The following TET2 variants were observed in gnomAD, a reference collection of about 807,000 sequenced individuals.
TET2 encodes the protein methylcytosine dioxygenase TET2.
A neutral mutation model predicts 142.9 loss-of-function variants in TET2; 299 were observed. The ratio of observed to expected loss-of-function variants is 2.09; its 90% CI spans 1.90 to 2.30. The LOEUF (loss-of-function observed/expected upper bound fraction) is 2.30, where lower values mean the gene tolerates loss of function less well. Among genes scored for constraint, TET2 ranks in the 30% most tolerant of loss-of-function variants. The probability of loss-of-function intolerance (pLI) is 0.00; values close to 1 mark genes in which losing one functional copy is unlikely to be tolerated. For synonymous variants in TET2, 819 were observed against 849.0 expected (o/e 0.96, Z 0.61); for missense variants, 2,418 against 2,378.0 (o/e 1.02, Z -0.35).
rs1389529147 is a variant in TET2, at chr4:105,275,037, C to A, written c.4538-11C>A. The A allele has an allele frequency of 1.3e-6, 2 of 1,513,318 alleles. No homozygotes were observed. The highest frequency in any genetic ancestry group is 2.5e-5 in the East Asian group (1 of 40,680). The allele number at this position is 1,513,318 out of a possible 1,614,324, so 93.7% of individuals were successfully genotyped here. A position where few individuals can be genotyped will look rare whatever the true frequency, so the allele number is the denominator to read the frequency against. ...GATACCTGTTTCTGTTCTCTCTTAC[C>A]CTGTCCACAGAACTTTTGCGACTTT... On this transcript the variant is annotated splice_polypyrimidine_tract_variant and intron_variant, in intron 10 of 10. Transcript: ENST00000380013.
At chr4:105,204,806 C>A (rs956592644) in intron 2 of TET2, among the ~76,000 whole-genome samples, 13 of 152,052 alleles carry the variant, frequency 8.5e-5, no homozygotes, top group Admixed American at 5.2e-4. Flanking sequence ...AGGTACAGCA[C>A]CTCTGTGTAC....
At chr4:105,151,510 T>G (rs940373154) in intron 1 of TET2, among the ~76,000 whole-genome samples, 1 of 150,822 alleles carries the variant, frequency 6.6e-6, no homozygotes, top group African/African-American at 2.4e-5. Context: ...ATATAATATA[T>G]GTAAAAATAA....
chr4:105,189,170 T>C lies in TET2; in HGVS notation c.-192-1190T>C, dbSNP rs543793899. ...AAAATTAAGAGACCTCCCTTCTTACTCTGTAAAATGGGAATAATAATAATG... is the reference window on the plus strand; with the variant it reads ...AAAATTAAGAGACCTCCCTTCTTACCCTGTAAAATGGGAATAATAATAATG... On this transcript the variant is annotated intron_variant, in intron 1 of 10. Coordinates refer to ENST00000380013, the MANE Select transcript of TET2 (RefSeq NM_001127208.3). 1.9e-3 allele frequency among the ~76,000 whole-genome samples: 287 copies of C among 152,006 alleles called. 1 individual carries two copies. The highest frequency in any genetic ancestry group is 7.9e-3 in the South Asian group (38 of 4,808).
chr4:105,185,737 C>T (rs1725397262), intron 1 of TET2, among the ~76,000 whole-genome samples: 1 of 152,082 alleles, frequency 6.6e-6, no homozygotes, highest in South Asian at 2.1e-4. Flanking sequence ...CAAGATCGCA[C>T]CACTGCACTC....
Position 105,275,364 on chromosome 4 carries a change from C to G in TET2, c.4854C>G (p.Tyr1618Ter). Residue 1618 changes from tyrosine (Y) to a stop codon, truncating the protein, a stop_gained, in exon 11 of 11, where the codon TAC becomes TAG. Coordinates refer to ENST00000380013, the MANE Select transcript of TET2 (RefSeq NM_001127208.3). LOFTEE classifies it low-confidence loss of function (END_TRUNC). ...ATTCTTCTAATCCCATGAACCCTTA[C>G]CCTGGGCTTTTGAATCAGAATACCC... ...YLNSSNPMNP[Y>*]PGLLNQNTQY... The G allele has an allele frequency of 6.4e-7, 1 of 1,551,642 alleles. No homozygotes were observed. Among genetic ancestry groups the G allele is most frequent in the Non-Finnish European group, 8.7e-7 (1 of 1,146,970 alleles).
Position 105,169,143 on chromosome 4 carries a change from A to G in TET2, c.-192-21217A>G, listed in dbSNP as rs568371669. On this transcript the variant is annotated intron_variant, in intron 1 of 10. Coordinates refer to ENST00000380013, the MANE Select transcript of TET2 (RefSeq NM_001127208.3). Reference sequence around the variant, plus strand: ...TCAAATGGTAGTTGTACTTTTAGTTATTTAAGGAATCTCCACACTGTTTTC... The same window carrying G: ...TCAAATGGTAGTTGTACTTTTAGTTGTTTAAGGAATCTCCACACTGTTTTC... 7.0e-4 allele frequency among the ~76,000 whole-genome samples: 107 copies of G among 152,122 alleles called. 2 individuals are homozygous for G. Among genetic ancestry groups the G allele is most frequent in the Admixed American group, 4.6e-4 (7 of 15,272 alleles).
Position 105,259,631 on chromosome 4 carries a change from C to T in TET2, c.3816C>T (p.Ala1272=), listed in dbSNP as rs1730320121. ...RCALNEERTC[A]CQGLDPETCG... is the part of the protein sequence containing the mutation. ...TTTGATTTTTCAGGAGAACTTGCGC[C>T]TGTCAGGGGCTGGATCCAGAAACCT... The change falls in exon 7 of 11, where the codon GCC becomes GCT. Residue 1272 remains alanine (A), a synonymous_variant. Transcript: ENST00000380013. 2.6e-6 allele frequency: 4 copies of T among 1,550,720 alleles called. No individual in the cohort carries two copies. Among genetic ancestry groups the T allele is most frequent in the Non-Finnish European group, 3.5e-6 (4 of 1,146,332 alleles).
chr4:105,160,717 T>C (rs1032727811), intron 1 of TET2, among the ~76,000 whole-genome samples: 2 of 152,206 alleles, frequency 1.3e-5, no homozygotes, highest in Non-Finnish European at 2.9e-5. Flanking sequence ...TAAAGGATCT[T>C]TTCCCAAGAG....
Position 105,269,667 on chromosome 4 carries a change from T to C in TET2, c.4102T>C (p.Phe1368Leu). 6.4e-7 allele frequency: 1 copy of C among 1,551,610 alleles called. No homozygotes were observed. The highest frequency in any genetic ancestry group is 8.7e-7 in the Non-Finnish European group (1 of 1,146,948). ...CRLGLKEGRPFSGVTACLDFC... is the reference protein window; with the variant it reads ...CRLGLKEGRPLSGVTACLDFC... ...TCTGGGTCTGAAGGAAGGCCGTCCA[T>C]TCTCAGGGGTCACTGCATGTTTGGA... The change falls in exon 9 of 11, where the codon TTC (phenylalanine) becomes CTC (leucine). Residue 1368 changes from phenylalanine to leucine, a missense_variant. Physicochemically the swap from Phe to Leu is conservative, Grantham distance 22 (BLOSUM62 0). Transcript: ENST00000380013.
chr4:105,170,104 T>C (rs903412230), intron 1 of TET2, among the ~76,000 whole-genome samples: 2 of 152,156 alleles, frequency 1.3e-5, no homozygotes, highest in Non-Finnish European at 2.9e-5. Flanking sequence ...TTTTCCTAAT[T>C]CTGTGAAGAA....
chr4:105,241,644 G>A, intron 4 of TET2: 1 of 1,281,618 alleles, frequency 7.8e-7, no homozygotes, highest in South Asian at 3.2e-5. Flanking sequence ...GGCACAGGCT[G>A]CCCACTTTGC....
intron 1 of TET2, among the ~76,000 whole-genome samples, chr4:105,174,724 C>T (rs548856173): frequency 6.6e-6 from 1 of 152,278 alleles, no homozygotes; most frequent in Non-Finnish European, 1.5e-5. Flanking sequence ...GTGAGTTTAA[C>T]CTCCAGGAGT....
chr4:105,171,139 G>A (rs1244369108), intron 1 of TET2, among the ~76,000 whole-genome samples: 2 of 152,012 alleles, frequency 1.3e-5, no homozygotes, highest in Non-Finnish European at 2.9e-5. Flanking sequence ...AAATCCAGGA[G>A]CATTTCAGTG....
At position 105,236,572 on chromosome 4, in the gene TET2, A is replaced by G. The variant is rs1553914301; in HGVS notation, c.2630A>G (p.Asp877Gly). The G allele has an allele frequency of 1.1e-5, 18 of 1,614,140 alleles. No individual in the cohort carries two copies. The Admixed American group carries it at 1.7e-4, about 15-fold the overall frequency. Residue 877 changes from aspartate (D) to glycine (G), a missense_variant, in exon 3 of 11, where the codon GAT becomes GGT. By Grantham distance (94) the Asp-to-Gly change is moderately conservative. Coordinates refer to ENST00000380013, the MANE Select transcript of TET2 (RefSeq NM_001127208.3). The stretch of plus-strand genomic sequence containing the variant: ...CCAAATAATGTGATCCCAAAGCAAG[A>G]TCTTCTTCACAGGTGCTTTCAAGAA... ...YFPNNVIPKQ[D>G]LLHRCFQEQE...
chr4:105,151,691 A>C (rs1045719887), intron 1 of TET2, among the ~76,000 whole-genome samples: 2 of 152,004 alleles, frequency 1.3e-5, no homozygotes, highest in Non-Finnish European at 2.9e-5. Flanking sequence ...AATAAAAATA[A>C]AAATAATTCA....
At chr4:105,251,576 T>C (rs1729871656) in intron 6 of TET2, among the ~76,000 whole-genome samples, 1 of 152,166 alleles carries the variant, frequency 6.6e-6, no homozygotes, top group African/African-American at 2.4e-5. Context: ...ATTTCTGGAA[T>C]AAATCCCACT....
At chr4:105,243,003 G>T (rs1312671182) in intron 5 of TET2, 76 bp downstream of exon 5, 1 of 1,213,208 alleles carries the variant, frequency 8.2e-7, no homozygotes, top group African/African-American at 1.5e-5. Flanking sequence ...TGAGAATTGG[G>T]TTACCCAGAT....
At chr4:105,206,558 T>C (rs1454091582) in intron 2 of TET2, among the ~76,000 whole-genome samples, 1 of 152,194 alleles carries the variant, frequency 6.6e-6, no homozygotes, top group African/African-American at 2.4e-5. Context: ...GTCTGCTTAT[T>C]TTCTGTAGCA....
chr4:105,271,217 C>T (rs1312582480), intron 9 of TET2, among the ~76,000 whole-genome samples: 1 of 152,136 alleles, frequency 6.6e-6, no homozygotes. Context: ...GTTCTGGTTT[C>T]CTAACTTCTG....
Sources: gnomAD v4.1 joint callset for allele counts (sites outside exome capture counted in the v4.1 genomes callset) on GRCh38, gnomAD v4.1.1 for gene constraint, MANE v1.5 for transcripts, NCBI Gene and HGNC (gene_info 2026-07-23, HGNC 2026-07-21) for gene names.